Variants in SKA3 observed in about 807,000 individuals in gnomAD.
SKA3 encodes spindle and kinetochore associated complex subunit 3.
SKA3 carries 39 observed loss-of-function variants against 44.2 expected under a neutral mutation model. That is an observed-to-expected ratio of 0.88 (90% CI 0.68 to 1.15). SKA3 has a LOEUF of 1.15. Among genes scored for constraint, SKA3 ranks in the 50% most tolerant of loss-of-function variants. The pLI, the probability that SKA3 is intolerant of heterozygous loss-of-function variation, is 0.00. For missense variants in SKA3, 511 were observed against 485.8 expected (o/e 1.05, Z -0.49); for synonymous variants, 192 against 172.0 (o/e 1.12, Z -0.91).
In SKA3 at chr13:21,172,378, G is replaced by A. The variant is rs1447103376; in HGVS notation, c.292C>T (p.Gln98Ter). The A allele has an allele frequency of 1.3e-6, 2 of 1,581,620 alleles. No individual in the cohort carries two copies. Among genetic ancestry groups the A allele is most frequent in the Non-Finnish European group, 8.6e-7 (1 of 1,168,574 alleles). ...MDIMKIREYF[Q>*]KYGYSPRVKK... is the part of the protein sequence containing the mutation. Reference sequence around the variant, plus strand: ...ACACGTGGACTATATCCATACTTCTGGAAATACTCTCTTATTTTCATAATA... The same window carrying A: ...ACACGTGGACTATATCCATACTTCTAGAAATACTCTCTTATTTTCATAATA... The change falls in exon 3 of 9, where the codon CAG becomes TAG. Residue 98 changes from glutamine to a stop codon, truncating the protein, a stop_gained. Transcript: ENST00000314759. LOFTEE classifies it high-confidence loss of function.
At chr13:21,175,541 G>A (rs1219568654) in intron 1 of SKA3, among the ~76,000 whole-genome samples, 1 of 152,206 alleles carries the variant, frequency 6.6e-6, no homozygotes, top group Admixed American at 6.6e-5. Flanking sequence ...CTCCCAAAGT[G>A]CTAGGATTAC....
intron 3 of SKA3, among the ~76,000 whole-genome samples, chr13:21,169,293 G>A (rs997489324): frequency 6.6e-6 from 1 of 151,894 alleles, no homozygotes; most frequent in African/African-American, 2.4e-5. Context: ...CTGGAGTGCA[G>A]TGGCAATCTC....
intron 3 of SKA3, among the ~76,000 whole-genome samples, chr13:21,170,953 G>A (rs1439998498): frequency 6.6e-6 from 1 of 151,906 alleles, no homozygotes; most frequent in Non-Finnish European, 1.5e-5. Context: ...TTGAGACAGG[G>A]TCTTGCTATG....
At chr13:21,156,185 T>TAAA (rs35208915) in intron 7 of SKA3, among the ~76,000 whole-genome samples, 19 of 128,844 alleles carry the variant, frequency 1.5e-4, no homozygotes, top group African/African-American at 3.8e-4. Context: ...AGACTTGGTC[T>TAAA]AAAAAAAAAA....
At position 21,161,784 on chromosome 13, in the gene SKA3, A is replaced by G. The variant is rs749172673; in HGVS notation, c.829+6T>C. On this transcript the variant is annotated splice_donor_region_variant and intron_variant, in intron 5 of 8. Coordinates refer to ENST00000314759, the MANE Select transcript of SKA3 (RefSeq NM_145061.6). ...TCCTGAGAAGTAACTTGATTCTTAT[A>G]CTTACCACTTTTTTCCAACTGCTGG... 4.2e-6 allele frequency: 5 copies of G among 1,199,346 alleles called. No homozygotes were observed. The South Asian group carries it at 7.2e-5, about 17-fold the overall frequency. 74.3% of individuals were successfully genotyped at this position (1,199,346 alleles called of 1,614,324 possible).
Position 21,155,053 on chromosome 13 carries a change from G to C in SKA3, c.*97C>G. 1 of 1,581,992 alleles carries C rather than the reference G, an allele frequency of 6.3e-7. No individual in the cohort carries two copies. The highest frequency in any genetic ancestry group is 1.1e-5 in the South Asian group (1 of 87,816). On this transcript the variant is annotated 3_prime_UTR_variant, in exon 9 of 9. Coordinates refer to ENST00000314759, the MANE Select transcript of SKA3 (RefSeq NM_145061.6). ...CTTTAAAATGGGTCAACGTTTAAAG[G>C]GGGACAGAGGCAGGGCAATGTGAAT...
intron 1 of SKA3, among the ~76,000 whole-genome samples, chr13:21,172,897 T>C (rs559293064): frequency 6.6e-6 from 1 of 152,314 alleles, no homozygotes; most frequent in East Asian, 1.9e-4. Context: ...GCTTACAGTA[T>C]TCAATGCAGT....
intron 5 of SKA3, among the ~76,000 whole-genome samples, chr13:21,160,711 T>G (rs1870390382): frequency 6.6e-6 from 1 of 152,176 alleles, no homozygotes; most frequent in African/African-American, 2.4e-5. Context: ...CCCTTTGACC[T>G]GGCAATTCTA....
intron 3 of SKA3, among the ~76,000 whole-genome samples, chr13:21,170,403 C>T (rs1313634113): frequency 6.6e-6 from 1 of 152,158 alleles, no homozygotes. Context: ...TGGTCTCGAA[C>T]TCCTGACCTC....
intron 4 of SKA3, among the ~76,000 whole-genome samples, chr13:21,164,675 C>G (rs1334434407): frequency 1.3e-5 from 2 of 152,218 alleles, no homozygotes; most frequent in African/African-American, 2.4e-5. Context: ...ATGTGTGTAA[C>G]AGCCCTCAGT....
intron 4 of SKA3, among the ~76,000 whole-genome samples, chr13:21,165,464 T>G (rs1354250343): frequency 6.6e-6 from 1 of 151,680 alleles, no homozygotes; most frequent in Non-Finnish European, 1.5e-5. Context: ...AAGAAAGAAA[T>G]AGTTGCCCTG....
chr13:21,155,511 A>G (rs1370349436), intron 8 of SKA3, among the ~76,000 whole-genome samples, 182 bp downstream of exon 8: 1 of 151,382 alleles, frequency 6.6e-6, no homozygotes, highest in Non-Finnish European at 1.5e-5. Flanking sequence ...GATTCAAGCG[A>G]TTCTCCTGCC....
At chr13:21,163,580 T>C (rs998530586) in intron 4 of SKA3, among the ~76,000 whole-genome samples, 34 of 152,328 alleles carry the variant, frequency 2.2e-4, no homozygotes, top group African/African-American at 7.9e-4. Flanking sequence ...CTGTCTTTTT[T>C]GGTATTCTCT....
At chr13:21,171,859 T>C (rs1368176308) in intron 3 of SKA3, among the ~76,000 whole-genome samples, 1 of 152,192 alleles carries the variant, frequency 6.6e-6, no homozygotes, top group Non-Finnish European at 1.5e-5. Flanking sequence ...TAAACCACTA[T>C]GATAGAATGC....
chr13:21,159,988 CTAAAAGACACATAAAATGGTCATTAAAAA>C lies in SKA3; in HGVS notation c.830-30_830-2del, dbSNP rs1870347350. Reference sequence around the variant, plus strand: ...AAAGGAGAGTTGGTATATTCGGCATCTAAAAGACACATAAAATGGTCATTAAAAAACTATAACTATAGTATGCTTAACTG... The same window carrying C: ...AAAGGAGAGTTGGTATATTCGGCATCACTATAACTATAGTATGCTTAACTG... On this transcript the variant is annotated splice_acceptor_variant and splice_polypyrimidine_tract_variant and intron_variant, in intron 5 of 8. Transcript: ENST00000314759. LOFTEE classifies it high-confidence loss of function. 1.0e-5 allele frequency: 16 copies of C among 1,593,812 alleles called. No individual in the cohort carries two copies. Among genetic ancestry groups the C allele is most frequent in the Middle Eastern group, 1.7e-4 (1 of 5,986 alleles).
At chr13:21,172,808 T>C in intron 1 of SKA3, 127 bp from the exon 2 acceptor site, 5 of 568,552 alleles carry the variant, frequency 8.8e-6, no homozygotes, top group East Asian at 6.1e-5. Context: ...ATGACAGTGG[T>C]ACCATAAGAT....
chr13:21,157,842 T>C, intron 7 of SKA3, 80 bp downstream of exon 7: 2 of 991,328 alleles, frequency 2.0e-6, no homozygotes, highest in Non-Finnish European at 3.0e-6. Flanking sequence ...AGACAGTTTA[T>C]ATGCAGTTTC....
At chr13:21,162,359 T>C (rs1870486926) in intron 4 of SKA3, among the ~76,000 whole-genome samples, 1 of 140,256 alleles carries the variant, frequency 7.1e-6, no homozygotes, top group Non-Finnish European at 1.6e-5. Context: ...TTTAACATCT[T>C]GTGTAAACAT....
intron 3 of SKA3, among the ~76,000 whole-genome samples, chr13:21,170,179 C>CTTT (rs1192752791): frequency 2.9e-5 from 4 of 138,378 alleles, no homozygotes; most frequent in East Asian, 2.1e-4. Flanking sequence ...AGGTTATATA[C>CTTT]TTTTTTTTTT....
Sources: gnomAD v4.1 joint callset for allele counts (sites outside exome capture counted in the v4.1 genomes callset) on GRCh38, gnomAD v4.1.1 for gene constraint, MANE v1.5 for transcripts, NCBI Gene and HGNC (gene_info 2026-07-23, HGNC 2026-07-21) for gene names.